TENM2: variants seen among roughly 807,000 people sequenced by gnomAD.
The protein encoded by TENM2 is teneurin transmembrane protein 2.
In TENM2, 52 loss-of-function variants were observed where a neutral mutation model predicts 245.2. The observed-to-expected ratio is 0.21, with a 90% confidence interval of 0.17 to 0.27. The LOEUF is 0.27. Among genes scored for constraint, TENM2 ranks in the 10% least tolerant of loss-of-function variants. The pLI, the probability that TENM2 is intolerant of heterozygous loss-of-function variation, is 1.00. For synonymous variants in TENM2, 1,363 were observed against 1,438.9 expected (o/e 0.95, Z 1.19); for missense variants, 3,046 against 3,666.8 (o/e 0.83, Z 4.37).
At chr5:167,869,525 C>A (rs1266804792) in intron 2 of TENM2, among the ~76,000 whole-genome samples, 1 of 152,176 alleles carries the variant, frequency 6.6e-6, no homozygotes, top group Non-Finnish European at 1.5e-5. Context: ...GGCTGGTGTT[C>A]AGCACATCAA....
chr5:167,631,703 C>T (rs1778885010), intron 2 of TENM2, among the ~76,000 whole-genome samples: 1 of 152,130 alleles, frequency 6.6e-6, no homozygotes, highest in Non-Finnish European at 1.5e-5. Context: ...GACCTCACCC[C>T]CCTGGGCTTT....
At chr5:168,122,743 A>T (rs996331918) in intron 10 of TENM2, among the ~76,000 whole-genome samples, 1 of 152,192 alleles carries the variant, frequency 6.6e-6, no homozygotes, top group Admixed American at 6.5e-5. Flanking sequence ...TTTTTTCCCC[A>T]TGCCTGAAAC....
intron 5 of TENM2, among the ~76,000 whole-genome samples, chr5:167,999,707 G>A (rs983738880): frequency 2.6e-5 from 4 of 152,162 alleles, no homozygotes; most frequent in East Asian, 3.9e-4. Context: ...AGCAGCTCTC[G>A]GGAGATGCCT....
At chr5:168,157,603 T>C (rs10475868) in intron 12 of TENM2, among the ~76,000 whole-genome samples, 2 of 151,910 alleles carry the variant, frequency 1.3e-5, no homozygotes, top group Non-Finnish European at 2.9e-5. Context: ...CAGAACTTGG[T>C]TGGAATTAGA....
chr5:167,240,664 T>C, the TENM2 span, among the ~76,000 whole-genome samples: 2 of 152,318 alleles, frequency 1.3e-5, no homozygotes, highest in South Asian at 4.1e-4. Context: ...TTTCTGTCCA[T>C]GTATTGGCTT....
intron 2 of TENM2, among the ~76,000 whole-genome samples, chr5:167,672,804 C>G (rs368252568): frequency 6.7e-6 from 1 of 149,900 alleles, no homozygotes; most frequent in South Asian, 2.1e-4. Flanking sequence ...GACAAAAGAA[C>G]AAGAGTGGTG....
chr5:167,686,512 C>G (rs956617204), intron 2 of TENM2, among the ~76,000 whole-genome samples: 2 of 152,028 alleles, frequency 1.3e-5, no homozygotes, highest in African/African-American at 4.8e-5. Flanking sequence ...TCTGGTTCAC[C>G]GAGGGCTTTA....
chr5:167,559,098 T>G (rs1421573077), intron 2 of TENM2, among the ~76,000 whole-genome samples: 1 of 152,178 alleles, frequency 6.6e-6, no homozygotes, highest in East Asian at 1.9e-4. Flanking sequence ...CATTGTGCAA[T>G]GCAGTTTGAA....
At chr5:167,529,958 G>C (rs1771383699) in intron 2 of TENM2, among the ~76,000 whole-genome samples, 1 of 152,040 alleles carries the variant, frequency 6.6e-6, no homozygotes, top group Non-Finnish European at 1.5e-5. Flanking sequence ...GTAACAAGTT[G>C]GTTATATACA....
intron 2 of TENM2, among the ~76,000 whole-genome samples, chr5:167,509,491 C>A (rs1322534273): frequency 6.6e-6 from 1 of 152,182 alleles, no homozygotes; most frequent in Non-Finnish European, 1.5e-5. Context: ...CTTTAATCGA[C>A]ACTTAATTAA....
the TENM2 span, among the ~76,000 whole-genome samples, chr5:167,104,734 A>C: frequency 6.6e-6 from 1 of 152,196 alleles, no homozygotes; most frequent in African/African-American, 2.4e-5. Flanking sequence ...AGAAGAAGTC[A>C]TATACCTTGG....
At chr5:167,095,035 T>A in the TENM2 span, among the ~76,000 whole-genome samples, 1 of 152,304 alleles carries the variant, frequency 6.6e-6, no homozygotes, top group Admixed American at 6.5e-5. Context: ...GTTAGAAAAG[T>A]ACATTATGTA....
At chr5:167,958,167 TG>T (rs1274967295) in intron 4 of TENM2, among the ~76,000 whole-genome samples, 1 of 152,196 alleles carries the variant, frequency 6.6e-6, no homozygotes, top group Non-Finnish European at 1.5e-5. Flanking sequence ...CTGTATTGGG[TG>T]CATATATATT....
Position 167,511,758 on chromosome 5 carries a change from C to T in TENM2, c.502+136285C>T, listed in dbSNP as rs73801261. On this transcript the variant is annotated intron_variant, in intron 2 of 28. Coordinates refer to ENST00000518659, the Ensembl canonical transcript of TENM2. Reference sequence around the variant, plus strand: ...AAGAGAGGTGATCAATTAAGTATGTCAAGGGCATAAAAATAAGGAGTGATG... The same window carrying T: ...AAGAGAGGTGATCAATTAAGTATGTTAAGGGCATAAAAATAAGGAGTGATG... 2.6e-3 allele frequency among the ~76,000 whole-genome samples: 396 copies of T among 152,240 alleles called. 1 individual carries two copies. Among genetic ancestry groups the T allele is most frequent in the African/African-American group, 9.0e-3 (374 of 41,558 alleles).
chr5:167,120,914 C>A, the TENM2 span, among the ~76,000 whole-genome samples: 2 of 152,098 alleles, frequency 1.3e-5, no homozygotes, highest in Non-Finnish European at 2.9e-5. Flanking sequence ...CAGGGCAGAG[C>A]AGAAGTACTT....
intron 2 of TENM2, among the ~76,000 whole-genome samples, chr5:167,406,051 A>G (rs1178698729): frequency 6.6e-6 from 1 of 152,096 alleles, no homozygotes; most frequent in Non-Finnish European, 1.5e-5. Flanking sequence ...GCAGTCAGAG[A>G]GCATACTGAG....
chr5:167,694,601 A>G (rs1219124902), intron 2 of TENM2, among the ~76,000 whole-genome samples: 1 of 152,080 alleles, frequency 6.6e-6, no homozygotes, highest in Non-Finnish European at 1.5e-5. Context: ...CTTCCTTAGT[A>G]TGTTGTCTTT....
the TENM2 span, among the ~76,000 whole-genome samples, chr5:167,012,213 T>C: frequency 6.6e-6 from 1 of 152,220 alleles, no homozygotes; most frequent in Admixed American, 6.5e-5. Context: ...CTTCCAAGTA[T>C]GCCCTTTGAT....
At chr5:167,929,665 T>C (rs899528111) in intron 3 of TENM2, among the ~76,000 whole-genome samples, 5 of 152,186 alleles carry the variant, frequency 3.3e-5, no homozygotes, top group Admixed American at 1.3e-4. Flanking sequence ...TCCAGAAAGA[T>C]TGCCCATAGA....
Sources: gnomAD v4.1 joint callset for allele counts (sites outside exome capture counted in the v4.1 genomes callset) on GRCh38, gnomAD v4.1.1 for gene constraint, MANE v1.5 for transcripts, NCBI Gene and HGNC (gene_info 2026-07-23, HGNC 2026-07-21) for gene names.